Variants in COL14A1 observed in about 807,000 individuals in gnomAD.
COL14A1 encodes collagen alpha-1(XIV) chain.
In COL14A1, 136 loss-of-function variants were observed where a neutral mutation model predicts 230.3. That is an observed-to-expected ratio of 0.59 (90% CI 0.51 to 0.68). COL14A1 has a LOEUF of 0.68. Ranked by LOEUF, COL14A1 falls within the 30% of genes least tolerant of loss-of-function variation. The probability of loss-of-function intolerance (pLI) is 0.00; values close to 1 mark genes in which losing one functional copy is unlikely to be tolerated. For missense variants in COL14A1, 1,976 were observed against 2,215.8 expected (o/e 0.89, Z 2.17); for synonymous variants, 792 against 784.1 (o/e 1.01, Z -0.17).
rs1279909206 is a variant in COL14A1 at position 120,226,716 on chromosome 8, G to A, written c.1954G>A (p.Gly652Arg). The A allele has an allele frequency of 3.7e-6, 6 of 1,613,726 alleles. No homozygotes were observed. The highest frequency in any genetic ancestry group is 2.2e-5 in the East Asian group (1 of 44,892). Residue 652 changes from glycine (G) to arginine (R), a missense_variant, in exon 16 of 48, where the codon GGG becomes AGG. Physicochemically the swap from Gly to Arg is moderately radical, Grantham distance 125. Around this residue, in one of 3 missense-constraint regions of COL14A1, gnomAD observed 1,791 missense variants for 2,019.5 expected, o/e 0.89. Coordinates refer to ENST00000297848, the MANE Select transcript of COL14A1 (RefSeq NM_021110.4). ...CTGGCATCCCCTCTCAGCTGATGAAGGGCTACACAAATTGATGTGGATTCC... is the reference window on the plus strand; with the variant it reads ...CTGGCATCCCCTCTCAGCTGATGAAAGGCTACACAAATTGATGTGGATTCC... ...VTWHPLSADE[G>R]LHKLMWIPVY...
chr8:120,171,857 T>C (rs1816102024), intron 5 of COL14A1, among the ~76,000 whole-genome samples: 1 of 152,186 alleles, frequency 6.6e-6, no homozygotes. Flanking sequence ...TCTATGTCTT[T>C]TAATAGTAAT....
At chr8:120,126,715 G>T (rs1346632765) in intron 1 of COL14A1, among the ~76,000 whole-genome samples, 3 of 152,224 alleles carry the variant, frequency 2.0e-5, no homozygotes, top group African/African-American at 4.8e-5. Context: ...TAAGCTGGAT[G>T]CAGTGAAGGA....
At chr8:120,134,655 T>C (rs1454391704) in intron 1 of COL14A1, among the ~76,000 whole-genome samples, 1 of 152,162 alleles carries the variant, frequency 6.6e-6, no homozygotes, top group East Asian at 1.9e-4. Context: ...AGCCACATAT[T>C]AAATACAAAA....
chr8:120,363,006 T>C (rs1823275393), intron 45 of COL14A1, among the ~76,000 whole-genome samples: 1 of 152,162 alleles, frequency 6.6e-6, no homozygotes, highest in African/African-American at 2.4e-5. Context: ...AAGGCACTAG[T>C]AGTTGATATC....
At position 120,342,390 on chromosome 8, in the gene COL14A1, A is replaced by C; in HGVS notation, c.4832A>C (p.Gln1611Pro). The change falls in exon 44 of 48, where the codon CAG becomes CCG. Residue 1611 changes from glutamine (Q) to proline (P), a missense_variant. By Grantham distance (76) the Gln-to-Pro change is moderately conservative. Transcript: ENST00000297848. Reference sequence around the variant, plus strand: ...TTTTTTCTCATCCAGGGTGACCTGCAGTCTCAAGCCATGGTGAGATCAGTG... The same window carrying C: ...TTTTTTCTCATCCAGGGTGACCTGCCGTCTCAAGCCATGGTGAGATCAGTG... ...KGERGERGDL[Q>P]SQAMVRSVAR... is the part of the protein sequence containing the mutation. 4 of 1,613,954 alleles carry C rather than the reference A, an allele frequency of 2.5e-6. No individual in the cohort carries two copies. Among genetic ancestry groups the C allele is most frequent in the Non-Finnish European group, 3.4e-6 (4 of 1,179,876 alleles).
intron 18 of COL14A1, among the ~76,000 whole-genome samples, chr8:120,230,620 C>T (rs191371082): frequency 1.3e-5 from 2 of 152,210 alleles, no homozygotes; most frequent in African/African-American, 4.8e-5. Context: ...TGCCTGGTAG[C>T]CCCCCTGCAA....
At chr8:120,261,667 C>T (rs1302704912) in intron 23 of COL14A1, among the ~76,000 whole-genome samples, 1 of 152,094 alleles carries the variant, frequency 6.6e-6, no homozygotes, top group African/African-American at 2.4e-5. Flanking sequence ...GAGAAAAAGA[C>T]AGAGAAGGTG....
At chr8:120,315,917 A>G in intron 39 of COL14A1, 27 bp from the exon 40 acceptor site, 1 of 1,612,060 alleles carries the variant, frequency 6.2e-7, no homozygotes, top group Non-Finnish European at 8.5e-7. Flanking sequence ...TGTGAACCTG[A>G]CTCTTTTTTG....
intron 36 of COL14A1, among the ~76,000 whole-genome samples, chr8:120,308,100 A>T (rs1261524512): frequency 6.6e-6 from 1 of 152,030 alleles, no homozygotes; most frequent in Non-Finnish European, 1.5e-5. Flanking sequence ...TCCTGCCTCA[A>T]CCTCCCAAAT....
intron 15 of COL14A1, 77 bp downstream of exon 15, chr8:120,225,291 C>T (rs1818061131): frequency 7.9e-7 from 1 of 1,266,922 alleles, no homozygotes; most frequent in Non-Finnish European, 1.1e-6. Context: ...GGAGCACCTT[C>T]TTTATTTGTG....
At chr8:120,286,982 A>G (rs910395237) in intron 33 of COL14A1, among the ~76,000 whole-genome samples, 1 of 152,174 alleles carries the variant, frequency 6.6e-6, no homozygotes, top group African/African-American at 2.4e-5. Flanking sequence ...TGCAGCACCT[A>G]CGCTGCAGGA....
chr8:120,211,860 G>A (rs1392975913), intron 12 of COL14A1, among the ~76,000 whole-genome samples: 2 of 152,170 alleles, frequency 1.3e-5, no homozygotes, highest in Non-Finnish European at 2.9e-5. Flanking sequence ...GTCAGAAAAG[G>A]TGTTCAAGAA....
chr8:120,234,111 C>G (rs1563687449), intron 19 of COL14A1, among the ~76,000 whole-genome samples: 2 of 90,752 alleles, frequency 2.2e-5, no homozygotes, highest in African/African-American at 1.3e-4. Context: ...TGATTTGGCT[C>G]TCTGTCTATT....
chr8:120,150,149 T>C (rs1355684089), intron 2 of COL14A1, among the ~76,000 whole-genome samples: 1 of 152,202 alleles, frequency 6.6e-6, no homozygotes, highest in Non-Finnish European at 1.5e-5. Context: ...TAAATTGCAA[T>C]ATAAGTTATG....
intron 45 of COL14A1, among the ~76,000 whole-genome samples, chr8:120,354,626 C>G (rs1822913935): frequency 6.6e-6 from 1 of 152,124 alleles, no homozygotes; most frequent in Admixed American, 6.5e-5. Flanking sequence ...AACCCTTTGT[C>G]TCCTTTAACT....
intron 31 of COL14A1, among the ~76,000 whole-genome samples, chr8:120,282,033 A>G (rs960048377): frequency 1.3e-5 from 2 of 152,204 alleles, no homozygotes; most frequent in Non-Finnish European, 2.9e-5. Context: ...ATATGTATAC[A>G]TGTGCCATGC....
chr8:120,273,038 AG>A (rs1017054502), intron 26 of COL14A1, among the ~76,000 whole-genome samples: 9 of 151,794 alleles, frequency 5.9e-5, no homozygotes, highest in Non-Finnish European at 1.2e-4. Flanking sequence ...AGACCATGAT[AG>A]GCCACAAAAC....
chr8:120,192,026 G>A (rs1173534257), intron 5 of COL14A1, among the ~76,000 whole-genome samples: 2 of 151,360 alleles, frequency 1.3e-5, no homozygotes, highest in Non-Finnish European at 3.0e-5. Flanking sequence ...CTTTTAATTG[G>A]AGCATTTAGT....
Position 120,280,691 on chromosome 8 carries a change from T to C in COL14A1, c.3647-20T>C, listed in dbSNP as rs1820005939. Reference sequence around the variant, plus strand: ...GAAATATCCGAATTAGAGTTTTATTTTGTTTGTTTGGTTTTCCAGCCTGTC... The same window carrying C: ...GAAATATCCGAATTAGAGTTTTATTCTGTTTGTTTGGTTTTCCAGCCTGTC... On this transcript the variant is annotated intron_variant, in intron 29 of 47. Coordinates refer to ENST00000297848, the MANE Select transcript of COL14A1 (RefSeq NM_021110.4). 1 of 1,611,734 alleles carries C rather than the reference T, an allele frequency of 6.2e-7. No homozygotes were observed. Among genetic ancestry groups the C allele is most frequent in the East Asian group, 2.2e-5 (1 of 44,814 alleles).
Sources: allele counts gnomAD v4.1 joint callset (sites outside exome capture counted in the v4.1 genomes callset), GRCh38; gene constraint gnomAD v4.1.1; regional missense constraint gnomAD v4.1.1; transcripts MANE v1.5; gene names NCBI Gene and HGNC (gene_info 2026-07-23, HGNC 2026-07-21).